Variants in ACTR3C observed in about 807,000 individuals in gnomAD.
ACTR3C encodes actin-related protein 3C.
ACTR3C carries 18 observed loss-of-function variants against 26.3 expected under a neutral mutation model. The observed-to-expected ratio is 0.68, with a 90% CI of 0.47 to 1.01. ACTR3C has a LOEUF of 1.01. ACTR3C is among the 50% of genes least tolerant of loss of function. The pLI is 0.00. For synonymous variants in ACTR3C, 55 were observed against 94.5 expected, an observed-to-expected ratio of 0.58 and a Z score of 2.42; for missense variants, 184 against 250.7, an observed-to-expected ratio of 0.73 and a Z score of 1.80.
chr7:150,199,019 C>G, the ACTR3C span, among the ~76,000 whole-genome samples: 1,155 of 131,652 alleles, frequency 8.8e-3, 53 homozygotes, highest in African/African-American at 0.035. Context: ...CCGCCCCGTC[C>G]GGGAGGTGAG....
At chr7:150,039,703 G>A in the ACTR3C span, among the ~76,000 whole-genome samples, 1 of 146,536 alleles carries the variant, frequency 6.8e-6, no homozygotes, top group Non-Finnish European at 1.5e-5. Flanking sequence ...AGCCGGGGGG[G>A]AAGAGGGTCT....
intron 1 of ACTR3C, among the ~76,000 whole-genome samples, chr7:150,307,975 C>A (rs555270399): frequency 6.6e-6 from 1 of 152,296 alleles, no homozygotes; most frequent in South Asian, 2.1e-4. Flanking sequence ...CTGGTAGAGA[C>A]AGAGAAGACA....
At chr7:150,019,858 A>C in the ACTR3C span, among the ~76,000 whole-genome samples, 1 of 152,024 alleles carries the variant, frequency 6.6e-6, no homozygotes, top group Non-Finnish European at 1.5e-5. Flanking sequence ...ATAAATCCAC[A>C]GAACTATAAA....
chr7:150,036,729 A>C, the ACTR3C span, among the ~76,000 whole-genome samples: 29 of 137,846 alleles, frequency 2.1e-4, 2 homozygotes, highest in African/African-American at 6.8e-4. Context: ...CTGCGTTCGG[A>C]CCCGTCGGAT....
the ACTR3C span, among the ~76,000 whole-genome samples, chr7:150,097,801 A>G: frequency 6.6e-6 from 1 of 151,536 alleles, no homozygotes; most frequent in African/African-American, 2.4e-5. Flanking sequence ...TGTTCCTGTC[A>G]TCTGTATTTC....
At chr7:150,178,724 T>C in the ACTR3C span, among the ~76,000 whole-genome samples, 6 of 150,808 alleles carry the variant, frequency 4.0e-5, no homozygotes, top group Non-Finnish European at 7.3e-5. Flanking sequence ...CACCAGCCAA[T>C]GTTGACTGTG....
the ACTR3C span, among the ~76,000 whole-genome samples, chr7:149,912,256 A>G: frequency 6.6e-6 from 1 of 151,882 alleles, no homozygotes; most frequent in African/African-American, 2.4e-5. Context: ...CCACAGCAGG[A>G]AAAGGTCAGA....
the ACTR3C span, among the ~76,000 whole-genome samples, chr7:150,036,500 T>TA: frequency 6.9e-6 from 1 of 145,842 alleles, no homozygotes; most frequent in South Asian, 2.2e-4. Context: ...GATTTTCTTG[T>TA]AACTCATGAA....
the ACTR3C span, among the ~76,000 whole-genome samples, chr7:150,091,934 G>A: frequency 8.0e-6 from 1 of 124,296 alleles, no homozygotes; most frequent in Non-Finnish European, 1.6e-5. Flanking sequence ...CTTGCAGTGA[G>A]CCGAGATCGC....
At chr7:150,040,590 A>G in the ACTR3C span, 1 of 147,814 alleles carries the variant, frequency 6.8e-6, no homozygotes, top group East Asian at 1.9e-4. Context: ...GATTGCAAAT[A>G]ACCTGCTTTC....
chr7:150,092,746 A>T, the ACTR3C span, among the ~76,000 whole-genome samples: 11 of 150,608 alleles, frequency 7.3e-5, 3 homozygotes, highest in African/African-American at 2.8e-4. Context: ...GTTCAGGCCA[A>T]CGGAATATGG....
chr7:150,040,418 T>G, the ACTR3C span: 13 of 146,760 alleles, frequency 8.9e-5, no homozygotes, highest in Admixed American at 4.0e-4. Context: ...ATGAAAGACT[T>G]GCTGTTGTCG....
At chr7:149,898,059 A>C in the ACTR3C span, among the ~76,000 whole-genome samples, 4 of 152,254 alleles carry the variant, frequency 2.6e-5, no homozygotes, top group African/African-American at 9.6e-5. Context: ...AAACAGTGGC[A>C]CACAAGTAAA....
At chr7:150,199,344 C>T in the ACTR3C span, among the ~76,000 whole-genome samples, 3 of 123,346 alleles carry the variant, frequency 2.4e-5, no homozygotes, top group African/African-American at 1.1e-4. Flanking sequence ...GCTGTGTCCA[C>T]TCAGGGTTAA....
chr7:149,901,197 A>G, the ACTR3C span, among the ~76,000 whole-genome samples: 1 of 152,156 alleles, frequency 6.6e-6, no homozygotes, highest in Non-Finnish European at 1.5e-5. Flanking sequence ...CAGTGGAGGG[A>G]GAGGAGTAAG....
chr7:150,021,674 G>T, the ACTR3C span, among the ~76,000 whole-genome samples: 2 of 135,316 alleles, frequency 1.5e-5, no homozygotes, highest in East Asian at 2.1e-4. Context: ...TTATGCCTTT[G>T]CACCCTCATA....
the ACTR3C span, among the ~76,000 whole-genome samples, chr7:150,138,100 G>T: frequency 6.6e-6 from 1 of 152,138 alleles, no homozygotes; most frequent in Admixed American, 6.5e-5. Flanking sequence ...ATGTTTGTTA[G>T]GAAGTTCCAA....
chr7:150,044,958 T>C, the ACTR3C span: 2 of 151,978 alleles, frequency 1.3e-5, no homozygotes, highest in Non-Finnish European at 2.9e-5. Context: ...CAAGAGAAGG[T>C]TTCAGCACTT....
chr7:150,291,846 A>T (rs1457411698), intron 3 of ACTR3C, among the ~76,000 whole-genome samples: 1 of 151,694 alleles, frequency 6.6e-6, no homozygotes. Flanking sequence ...GAGTGCTGAG[A>T]CTGGCTTGAA....
Sources: allele counts gnomAD v4.1 joint callset (sites outside exome capture counted in the v4.1 genomes callset), GRCh38; gene constraint gnomAD v4.1.1; transcripts MANE v1.5; gene names NCBI Gene and HGNC (gene_info 2026-07-23, HGNC 2026-07-21).